Variants in HAP1 observed in about 807,000 individuals in gnomAD.
HAP1 encodes huntingtin associated protein 1, also known as huntingtin-associated protein 1.
Under a neutral mutation model 60.3 loss-of-function variants are expected in HAP1, and 59 were observed. The observed-to-expected ratio is 0.98, with a 90% CI of 0.79 to 1.22. The LOEUF (loss-of-function observed/expected upper bound fraction) is 1.22. Ranked by LOEUF, HAP1 falls within the 50% of genes most tolerant of loss-of-function variation. HAP1 has a pLI of 0.00. For synonymous variants in HAP1, 346 were observed against 330.6 expected, an observed-to-expected ratio of 1.05 and a Z score of -0.50; for missense variants, 825 against 785.3, an observed-to-expected ratio of 1.05 and a Z score of -0.60.
chr17:41,732,658 C>A, intron 2 of HAP1, 61 bp downstream of exon 2: 1 of 1,377,674 alleles, frequency 7.3e-7, no homozygotes, highest in Non-Finnish European at 1.0e-6. Flanking sequence ...AAACAAGACC[C>A]CCACCCCTAC....
At chr17:41,725,289 C>T (rs1426326479) in intron 10 of HAP1, 135 bp from the exon 11 acceptor site, 2 of 716,466 alleles carry the variant, frequency 2.8e-6, no homozygotes, top group African/African-American at 1.8e-5. Context: ...AGCTAGGTAC[C>T]AGCTCCAAGG....
Position 41,723,275 on chromosome 17 carries a change from C to G in HAP1, c.*1426G>C, listed in dbSNP as rs569108260. ...AGCTGCAGAGCGAGGGCCGGGGTTCCTACCGCCTGTCCCTGAAGACGTTGG... is the reference window on the plus strand; with the variant it reads ...AGCTGCAGAGCGAGGGCCGGGGTTCGTACCGCCTGTCCCTGAAGACGTTGG... On this transcript the variant is annotated 3_prime_UTR_variant, in exon 11 of 11. Transcript: ENST00000347901. The G allele has an allele frequency of 9.2e-5, 14 of 152,614 alleles. No homozygotes were observed. Among genetic ancestry groups the G allele is most frequent in the African/African-American group, 3.4e-4 (14 of 41,526 alleles). The allele number at this position is 152,614 out of a possible 1,614,324, so 9.5% of individuals were successfully genotyped here.
rs58362669 is a variant in HAP1, at chr17:41,723,403, G to C, written c.*1298C>G. The C allele has an allele frequency of 1.3e-5, 2 of 152,788 alleles. No homozygotes were observed. The highest frequency in any genetic ancestry group is 3.9e-4 in the East Asian group (2 of 5,192). The allele number at this position is 152,788 out of a possible 1,614,324, so 9.5% of individuals were successfully genotyped here. A position where few individuals can be genotyped will look rare whatever the true frequency, so the allele number is the denominator to read the frequency against. On this transcript the variant is annotated 3_prime_UTR_variant, in exon 11 of 11. Transcript: ENST00000347901. ...CCAGGTTCATGAACACAGAGGGTGG[G>C]CTGGTGACAGACACAGGGTCCCATT...
At chr17:41,722,356 T>C (rs1911257366), downstream of HAP1, 1 of 152,208 alleles carries the variant, frequency 6.6e-6, no homozygotes, top group African/African-American at 2.4e-5. Context: ...TGAGTCAGTC[T>C]CTGGGGTGAA....
rs201902579 is a variant in HAP1 at position 41,732,207 on chromosome 17, T to A, written c.714+23A>T. 5.9e-5 allele frequency: 95 copies of A among 1,612,316 alleles called. No homozygotes were observed. The Admixed American group carries it at 1.2e-3, about 20-fold the overall frequency. Reference sequence around the variant, plus strand: ...GAGGCAGGTGTAGATTGGCCCGCTATCCTCTCCTCCCCACCCGGTTACCTC... The same window carrying A: ...GAGGCAGGTGTAGATTGGCCCGCTAACCTCTCCTCCCCACCCGGTTACCTC... On this transcript the variant is annotated intron_variant, in intron 3 of 10. Transcript: ENST00000347901.
intron 10 of HAP1, 84 bp downstream of exon 10, chr17:41,725,775 C>T: frequency 1.0e-6 from 1 of 997,622 alleles, no homozygotes; most frequent in Non-Finnish European, 1.6e-6. Context: ...TCCGGAGTTG[C>T]AGGGTGGCAG....
In HAP1 at chr17:41,724,753, T is replaced by C; in HGVS notation, c.1808A>G (p.His603Arg). The change falls in exon 11 of 11, where the codon CAC becomes CGC. Residue 603 changes from histidine (H) to arginine (R), a missense_variant. Physicochemically the swap from His to Arg is conservative, Grantham distance 29. Transcript: ENST00000347901. ...WKMLQKGECP[H>R]GALPAASRTS... ...CCGGCTGGCGGCAGGGAGGGCCCCG[T>C]GGGGGCACTCACCTTTCTGGAGCAT... is the stretch of plus-strand genomic sequence containing the variant. 6.2e-7 allele frequency: 1 copy of C among 1,601,950 alleles called. No homozygotes were observed. Among genetic ancestry groups the C allele is most frequent in the South Asian group, 1.1e-5 (1 of 90,898 alleles).
chr17:41,724,530 A>G lies in HAP1; in HGVS notation c.*171T>C. 1 of 604,156 alleles carries G rather than the reference A, an allele frequency of 1.7e-6. No homozygotes were observed. Among genetic ancestry groups the G allele is most frequent in the East Asian group, 2.7e-5 (1 of 36,506 alleles). 37.4% of individuals were successfully genotyped at this position (604,156 alleles called of 1,614,324 possible). The stretch of plus-strand genomic sequence containing the variant: ...GCCCCCAGGAGAAAAGTGGATGGAG[A>G]TCTGGAATCCTAAGCAAATGCCACA... On this transcript the variant is annotated 3_prime_UTR_variant, in exon 11 of 11. Transcript: ENST00000347901.
intron 8 of HAP1, 182 bp downstream of exon 8, chr17:41,727,580 C>T (rs1405197618): frequency 1.1e-5 from 7 of 659,200 alleles, no homozygotes; most frequent in Non-Finnish European, 1.9e-5. Context: ...GCACTCCACA[C>T]CACTCAGACC....
At chr17:41,727,563 G>C (rs1911764643) in intron 8 of HAP1, 199 bp downstream of exon 8, 3 of 680,350 alleles carry the variant, frequency 4.4e-6, no homozygotes, top group Non-Finnish European at 8.1e-6. Flanking sequence ...ACCCAGGGCA[G>C]GTCCCTGCAC....
chr17:41,727,096 A>T lies in HAP1; in HGVS notation c.1324T>A (p.Ser442Thr). The change falls in exon 9 of 11, where the codon TCT becomes ACT. Residue 442 changes from serine to threonine, a missense_variant. Transcript: ENST00000347901. ...QETLAEELRT[S>T]LRRMISDPVY... ...GGGTCTGAGATCATCCTCCTTAGAG[A>T]CGTTCTGAGCTCCTCAGCCAGCGTC... 6.3e-7 allele frequency: 1 copy of T among 1,593,422 alleles called. No homozygotes were observed. Among genetic ancestry groups the T allele is most frequent in the Non-Finnish European group, 8.6e-7 (1 of 1,166,340 alleles).
chr17:41,725,833 TG>T, intron 10 of HAP1, 25 bp downstream of exon 10: 1 of 1,596,412 alleles, frequency 6.3e-7, no homozygotes, highest in Non-Finnish European at 8.6e-7. Flanking sequence ...GAGGGCAGGT[TG>T]TAGGGGAGCC....
intron 6 of HAP1, among the ~76,000 whole-genome samples, chr17:41,729,695 G>A (rs2143232487): frequency 6.7e-6 from 1 of 149,904 alleles, no homozygotes; most frequent in South Asian, 2.1e-4. Flanking sequence ...GGCCAACATG[G>A]TGAAACCCCA....
chr17:41,733,099 T>C (rs2143266356), intron 1 of HAP1, among the ~76,000 whole-genome samples: 1 of 129,886 alleles, frequency 7.7e-6, no homozygotes, highest in African/African-American at 2.9e-5. Context: ...TCCTCCAGGC[T>C]GGAGTGCGAT....
Position 41,724,437 on chromosome 17 carries a change from C to G in HAP1, c.*264G>C. The G allele has an allele frequency of 4.3e-6, 2 of 462,198 alleles. No individual in the cohort carries two copies. The highest frequency in any genetic ancestry group is 7.8e-6 in the Non-Finnish European group (2 of 257,006). 28.6% of individuals were successfully genotyped at this position (462,198 alleles called of 1,614,324 possible). ...AGGCAGGGGTTGGGGGCAGGGGAAG[C>G]AAGCGGGCAGAGATGGGAAGCTGAG... On this transcript the variant is annotated 3_prime_UTR_variant, in exon 11 of 11. Coordinates refer to ENST00000347901, the MANE Select transcript of HAP1 (RefSeq NM_177977.3).
At chr17:41,726,328 C>T (rs1486564778) in intron 9 of HAP1, among the ~76,000 whole-genome samples, 1 of 151,032 alleles carries the variant, frequency 6.6e-6, no homozygotes, top group East Asian at 2.0e-4. Context: ...GTAGGAGAAT[C>T]GCTTGAACCC....
intron 7 of HAP1, 26 bp downstream of exon 7, chr17:41,728,175 G>A (rs781948198): frequency 6.2e-7 from 1 of 1,605,896 alleles, no homozygotes; most frequent in South Asian, 1.1e-5. Flanking sequence ...GCCACGACAA[G>A]AGGGTTCCAC....
Position 41,734,314 on chromosome 17 carries a change from G to A in HAP1, c.321C>T (p.Phe107=), listed in dbSNP as rs1912523143. 1.2e-6 allele frequency: 2 copies of A among 1,609,154 alleles called. No individual in the cohort carries two copies. Among genetic ancestry groups the A allele is most frequent in the Non-Finnish European group, 1.7e-6 (2 of 1,177,566 alleles). The change falls in exon 1 of 11, where the codon TTC becomes TTT. Residue 107 remains phenylalanine, a synonymous_variant. Transcript: ENST00000347901. ...PDNSDAPWTR[F]VFQGPFGSRA... is the part of the protein sequence containing the mutation. ...GGGAACCAAACGGCCCTTGGAATACGAAGCGGGTCCACGGCGCGTCCGAAT... is the reference window on the plus strand; with the variant it reads ...GGGAACCAAACGGCCCTTGGAATACAAAGCGGGTCCACGGCGCGTCCGAAT...
chr17:41,728,452 C>CA (rs1911866189), intron 6 of HAP1, 121 bp from the exon 7 acceptor site: 1 of 793,144 alleles, frequency 1.3e-6, no homozygotes, highest in Non-Finnish European at 2.0e-6. Flanking sequence ...GTGGGTCCTG[C>CA]AGGGCTTTGC....
Sources: gnomAD v4.1 joint callset for allele counts (sites outside exome capture counted in the v4.1 genomes callset) on GRCh38, gnomAD v4.1.1 for gene constraint, MANE v1.5 for transcripts, NCBI Gene and HGNC (gene_info 2026-07-23, HGNC 2026-07-21) for gene names.